The following CALCRL variants were observed in gnomAD, a reference collection of about 807,000 sequenced individuals.
CALCRL encodes the protein calcitonin gene-related peptide type 1 receptor.
CALCRL carries 27 observed loss-of-function variants against 60.4 expected under a neutral mutation model. The observed-to-expected ratio is 0.45, with a 90% CI of 0.33 to 0.62. The LOEUF (loss-of-function observed/expected upper bound fraction) is 0.62, where lower values mean the gene tolerates loss of function less well. Among genes scored for constraint, CALCRL ranks in the 20% least tolerant of loss-of-function variants. CALCRL has a pLI of 0.03. For missense variants in CALCRL, 424 were observed against 540.7 expected (o/e 0.78, Z 2.14); for synonymous variants, 190 against 182.6 (o/e 1.04, Z -0.33).
intron 3 of CALCRL, among the ~76,000 whole-genome samples, chr2:187,385,860 C>A (rs1688184313): frequency 6.6e-6 from 1 of 152,106 alleles, no homozygotes; most frequent in Non-Finnish European, 1.5e-5. Context: ...AAGCGATCCT[C>A]CCTCCTCAGC....
chr2:187,405,542 T>C (rs1689079575), intron 1 of CALCRL, among the ~76,000 whole-genome samples: 1 of 151,960 alleles, frequency 6.6e-6, no homozygotes, highest in African/African-American at 2.4e-5. Context: ...GAGGACAGTA[T>C]TGTTAAGGAG....
At chr2:187,445,833 G>A (rs1182638104) in intron 1 of CALCRL, among the ~76,000 whole-genome samples, 3 of 151,002 alleles carry the variant, frequency 2.0e-5, no homozygotes, top group South Asian at 2.1e-4. Flanking sequence ...TTACATGTTC[G>A]GAGTCACCAG....
chr2:187,344,206 TC>T lies in CALCRL; in HGVS notation c.*1977del, dbSNP rs981577331. 77 of 151,798 alleles carry T rather than the reference TC, an allele frequency of 5.1e-4. No homozygotes were observed. Among genetic ancestry groups the T allele is most frequent in the African/African-American group, 1.7e-3 (72 of 41,536 alleles). 9.4% of individuals were successfully genotyped at this position (151,798 alleles called of 1,614,324 possible). On this transcript the variant is annotated 3_prime_UTR_variant, in exon 15 of 15. Transcript: ENST00000392370. ...AGGTCTAGAACAGCCTGCGTTCCTT[TC>T]TATGGCAGCTTGCTATGAAATTCAT...
At chr2:187,377,140 A>C (rs1428642940) in intron 8 of CALCRL, among the ~76,000 whole-genome samples, 1 of 152,144 alleles carries the variant, frequency 6.6e-6, no homozygotes, top group Non-Finnish European at 1.5e-5. Flanking sequence ...ATTACAATGG[A>C]AAATCTAAAA....
At chr2:187,357,184 C>T (rs4399679) in intron 12 of CALCRL, among the ~76,000 whole-genome samples, 67,260 of 151,896 alleles carry the variant, frequency 0.44, 15,889 homozygotes, top group East Asian at 0.62. Context: ...AATCATTCTA[C>T]TATAAAGACA....
At chr2:187,367,347 A>G (rs1301860136) in intron 8 of CALCRL, among the ~76,000 whole-genome samples, 1 of 152,116 alleles carries the variant, frequency 6.6e-6, no homozygotes, top group Non-Finnish European at 1.5e-5. Context: ...CTAAAATACT[A>G]TTTAGTTTCT....
At chr2:187,407,027 A>G (rs1689166843) in intron 1 of CALCRL, among the ~76,000 whole-genome samples, 1 of 152,028 alleles carries the variant, frequency 6.6e-6, no homozygotes, top group Admixed American at 6.6e-5. Flanking sequence ...CCTACAGCAC[A>G]AATAGGCTGA....
At chr2:187,446,259 T>A (rs1288867610) in intron 1 of CALCRL, among the ~76,000 whole-genome samples, 1 of 151,736 alleles carries the variant, frequency 6.6e-6, no homozygotes, top group Non-Finnish European at 1.5e-5. Flanking sequence ...ATTCTGATAT[T>A]TTCTTATCAT....
intron 12 of CALCRL, among the ~76,000 whole-genome samples, chr2:187,354,994 C>G (rs1314264608): frequency 6.6e-6 from 1 of 152,016 alleles, no homozygotes; most frequent in Non-Finnish European, 1.5e-5. Context: ...TCTTCAAGCT[C>G]TCCTCAGAGT....
Position 187,344,080 on chromosome 2 carries a change from G to A in CALCRL, c.*2104C>T, listed in dbSNP as rs1251866035. On this transcript the variant is annotated 3_prime_UTR_variant, in exon 15 of 15. Transcript: ENST00000392370. ...TTTGTCTAGAAGAAGGCTGATATAT[G>A]TCAACATGGTCAGCAAAGGATTTAA... The A allele has an allele frequency of 2.0e-5, 3 of 151,508 alleles. No homozygotes were observed. The highest frequency in any genetic ancestry group is 7.3e-5 in the African/African-American group (3 of 41,368). 9.4% of individuals were successfully genotyped at this position (151,508 alleles called of 1,614,324 possible). A position where few individuals can be genotyped will look rare whatever the true frequency, so the allele number is the denominator to read the frequency against.
chr2:187,361,301 T>C (rs542611244), intron 9 of CALCRL, among the ~76,000 whole-genome samples: 1 of 152,060 alleles, frequency 6.6e-6, no homozygotes, highest in Non-Finnish European at 1.5e-5. Flanking sequence ...GAGGACAAAA[T>C]TATGGTTTCC....
At chr2:187,387,034 G>A (rs1429103179) in intron 3 of CALCRL, among the ~76,000 whole-genome samples, 3 of 152,112 alleles carry the variant, frequency 2.0e-5, no homozygotes, top group African/African-American at 7.2e-5. Flanking sequence ...TTGGGTATGT[G>A]TTTATCAGCA....
intron 9 of CALCRL, among the ~76,000 whole-genome samples, chr2:187,361,464 T>A (rs992654656): frequency 2.0e-5 from 3 of 151,980 alleles, no homozygotes; most frequent in African/African-American, 7.2e-5. Flanking sequence ...CAAAAATACA[T>A]GACCTGTTAC....
intron 4 of CALCRL, among the ~76,000 whole-genome samples, chr2:187,384,014 T>C (rs1355172287): frequency 1.3e-5 from 2 of 152,202 alleles, no homozygotes; most frequent in Admixed American, 6.5e-5. Flanking sequence ...TTTAACACTT[T>C]TAGCAGTAAT....
intron 5 of CALCRL, 83 bp from the exon 6 acceptor site, chr2:187,380,870 G>T: frequency 1.0e-6 from 1 of 997,560 alleles, no homozygotes; most frequent in Non-Finnish European, 1.5e-6. Flanking sequence ...GTTTCACACT[G>T]ATGTGGAGTA....
intron 1 of CALCRL, among the ~76,000 whole-genome samples, chr2:187,413,643 G>A (rs556609566): frequency 5.5e-4 from 83 of 152,218 alleles, no homozygotes; most frequent in African/African-American, 1.9e-3. Context: ...TGTTAATGGC[G>A]TGACCTTGAA....
chr2:187,399,864 A>G (rs1322424600), intron 1 of CALCRL, among the ~76,000 whole-genome samples: 1 of 151,544 alleles, frequency 6.6e-6, no homozygotes, highest in African/African-American at 2.4e-5. Flanking sequence ...TGAATACTGT[A>G]TGTTCTCACT....
intron 1 of CALCRL, among the ~76,000 whole-genome samples, chr2:187,407,124 TC>T (rs1452506803): frequency 2.0e-5 from 3 of 152,044 alleles, no homozygotes; most frequent in Non-Finnish European, 1.5e-5. Context: ...TTTTTTATCT[TC>T]CCCACTAAAG....
intron 1 of CALCRL, among the ~76,000 whole-genome samples, chr2:187,412,913 G>A (rs960341460): frequency 1.3e-5 from 2 of 152,098 alleles, no homozygotes; most frequent in African/African-American, 4.8e-5. Flanking sequence ...AGTTACTATG[G>A]ATCATAAATA....
Sources: allele counts gnomAD v4.1 joint callset (sites outside exome capture counted in the v4.1 genomes callset), GRCh38; gene constraint gnomAD v4.1.1; transcripts MANE v1.5; gene names NCBI Gene and HGNC (gene_info 2026-07-23, HGNC 2026-07-21).